Variants in MYO3A observed in about 807,000 individuals in gnomAD.
MYO3A encodes myosin-IIIa.
Under a neutral mutation model 192.7 loss-of-function variants are expected in MYO3A, and 180 were observed. The ratio of observed to expected loss-of-function variants is 0.93; its 90% CI spans 0.83 to 1.06. The LOEUF (loss-of-function observed/expected upper bound fraction) is 1.06. Ranked by LOEUF, MYO3A falls within the 50% of genes least tolerant of loss-of-function variation. MYO3A has a pLI of 0.00. For missense variants in MYO3A, 1,896 were observed against 1,905.0 expected, an observed-to-expected ratio of 1.00 and a Z score of 0.09; for synonymous variants, 628 against 645.3, an observed-to-expected ratio of 0.97 and a Z score of 0.41.
At chr10:26,057,960 C>T (rs936675901) in intron 10 of MYO3A, among the ~76,000 whole-genome samples, 1 of 152,106 alleles carries the variant, frequency 6.6e-6, no homozygotes, top group Non-Finnish European at 1.5e-5. Flanking sequence ...TACTTTTTTA[C>T]AATTAGTGAA....
chr10:26,009,847 C>T (rs1234350276), intron 6 of MYO3A, among the ~76,000 whole-genome samples: 1 of 152,072 alleles, frequency 6.6e-6, no homozygotes, highest in East Asian at 1.9e-4. Context: ...CTCTGAAGAA[C>T]TTTAAGTTAA....
chr10:26,194,808 C>T (rs1481726702), intron 32 of MYO3A, among the ~76,000 whole-genome samples: 2 of 152,204 alleles, frequency 1.3e-5, no homozygotes, highest in Non-Finnish European at 2.9e-5. Context: ...TTAGATCTCT[C>T]TGTAGCTCCA....
chr10:26,046,259 T>G (rs1047766715), intron 10 of MYO3A, among the ~76,000 whole-genome samples: 5 of 152,114 alleles, frequency 3.3e-5, no homozygotes, highest in Non-Finnish European at 5.9e-5. Flanking sequence ...TATCTCCAGG[T>G]AGATAGTGAC....
At chr10:25,969,944 G>A (rs1390958190) in intron 4 of MYO3A, among the ~76,000 whole-genome samples, 1 of 152,034 alleles carries the variant, frequency 6.6e-6, no homozygotes, top group Non-Finnish European at 1.5e-5. Flanking sequence ...TTCCAGACAA[G>A]CAGTATAATC....
Position 26,168,675 on chromosome 10 carries a change from G to C in MYO3A, c.3112-37G>C, listed in dbSNP as rs764565679. The C allele has an allele frequency of 5.7e-6, 9 of 1,589,464 alleles. No individual in the cohort carries two copies. In the South Asian group the frequency reaches 8.8e-5, roughly 16 times the overall value. On this transcript the variant is annotated intron_variant, in intron 27 of 34. Transcript: ENST00000642920. ...CAGCACATAACTGCTTCACATCTGTGTGCCATGGTTCTTTGTATTATATTT... is the reference window on the plus strand; with the variant it reads ...CAGCACATAACTGCTTCACATCTGTCTGCCATGGTTCTTTGTATTATATTT...
intron 17 of MYO3A, among the ~76,000 whole-genome samples, chr10:26,109,415 A>G (rs1207150979): frequency 6.6e-6 from 1 of 152,214 alleles, no homozygotes; most frequent in East Asian, 1.9e-4. Flanking sequence ...GAGTAGCATG[A>G]TGAAATCCCA....
intron 6 of MYO3A, among the ~76,000 whole-genome samples, chr10:26,012,116 G>T (rs1047932667): frequency 6.6e-6 from 1 of 151,916 alleles, no homozygotes; most frequent in African/African-American, 2.4e-5. Flanking sequence ...AATAAAAACC[G>T]TCTATGACAA....
At chr10:25,993,545 C>G (rs1840199055) in intron 4 of MYO3A, among the ~76,000 whole-genome samples, 1 of 151,948 alleles carries the variant, frequency 6.6e-6, no homozygotes, top group Non-Finnish European at 1.5e-5. Flanking sequence ...TATTTCTTGC[C>G]TTCTGCTAGC....
intron 14 of MYO3A, among the ~76,000 whole-genome samples, chr10:26,086,980 A>T (rs544159247): frequency 2.1e-3 from 244 of 114,706 alleles, no homozygotes; most frequent in Non-Finnish European, 3.8e-3. Flanking sequence ...TTAATTGGGG[A>T]TAGGTATATA....
rs142937288 is a variant in MYO3A, at chr10:26,107,064, G to A, written c.1776+10382G>A. 1.1e-4 allele frequency among the ~76,000 whole-genome samples: 17 copies of A among 151,780 alleles called. No individual in the cohort carries two copies. The East Asian group carries it at 2.9e-3, about 26-fold the overall frequency. ...AAGAAGCACCTTGACACACATACAT[G>A]AGTCTTAACCAGACCTACCGTATAG... On this transcript the variant is annotated intron_variant, in intron 17 of 34. Coordinates refer to ENST00000642920, the MANE Select transcript of MYO3A (RefSeq NM_017433.5).
intron 10 of MYO3A, among the ~76,000 whole-genome samples, chr10:26,026,917 G>A (rs1222785719): frequency 6.6e-6 from 1 of 152,140 alleles, no homozygotes; most frequent in Non-Finnish European, 1.5e-5. Context: ...AGCCAGGATG[G>A]TCTCGATCTC....
chr10:26,149,243 TG>T (rs1339686676), intron 23 of MYO3A, among the ~76,000 whole-genome samples: 1 of 152,032 alleles, frequency 6.6e-6, no homozygotes, highest in Non-Finnish European at 1.5e-5. Context: ...TTGTTTTTCA[TG>T]TTTTTTTTGA....
chr10:26,017,431 C>T (rs1030457485), intron 7 of MYO3A, among the ~76,000 whole-genome samples: 2 of 152,082 alleles, frequency 1.3e-5, no homozygotes, highest in African/African-American at 4.8e-5. Flanking sequence ...TCTTCTCCCC[C>T]CATCACTATT....
At chr10:25,999,092 G>T (rs1431488342) in intron 6 of MYO3A, among the ~76,000 whole-genome samples, 1 of 151,948 alleles carries the variant, frequency 6.6e-6, no homozygotes, top group African/African-American at 2.4e-5. Context: ...TAGAGACGGG[G>T]TTTCACCATA....
Position 26,088,298 on chromosome 10 carries a change from C to A in MYO3A, c.1455C>A (p.Ser485Arg), listed in dbSNP as rs763188102. The A allele has an allele frequency of 5.0e-6, 8 of 1,613,570 alleles. No individual in the cohort carries two copies. Among genetic ancestry groups the A allele is most frequent in the African/African-American group, 1.3e-5 (1 of 75,014 alleles). The change falls in exon 15 of 35, where the codon AGC (serine) becomes AGA (arginine). Residue 485 changes from serine (S) to arginine (R), a missense_variant. By Grantham distance (110) the Ser-to-Arg change is moderately radical. Coordinates refer to ENST00000642920, the MANE Select transcript of MYO3A (RefSeq NM_017433.5). The stretch of plus-strand genomic sequence containing the variant: ...GCACTATTATAAATGACAATTCTAG[C>A]AGATTTGGAAAATACTTAGAAATGA... ...NACTIINDNS[S>R]RFGKYLEMKF...
At chr10:25,975,073 G>A (rs1838889720) in intron 4 of MYO3A, among the ~76,000 whole-genome samples, 1 of 152,198 alleles carries the variant, frequency 6.6e-6, no homozygotes, top group Admixed American at 6.5e-5. Context: ...TATGCTGAAT[G>A]AGTTGGCTAA....
At position 26,120,602 on chromosome 10, in the gene MYO3A, T is replaced by C. The variant is rs888733353; in HGVS notation, c.1777-74T>C. 6.2e-6 allele frequency: 10 copies of C among 1,603,074 alleles called. No individual in the cohort carries two copies. The Admixed American group carries it at 1.5e-4, about 24-fold the overall frequency. ...AGGGCCTGAGGGTTCTCTTCCAGTC[T>C]GTCCCCAGCCATAGTCACTGGTTGG... is the stretch of plus-strand genomic sequence containing the variant. On this transcript the variant is annotated intron_variant, in intron 17 of 34. Transcript: ENST00000642920.
intron 26 of MYO3A, among the ~76,000 whole-genome samples, chr10:26,160,938 A>G (rs1206279884): frequency 6.6e-6 from 1 of 152,154 alleles, no homozygotes; most frequent in Non-Finnish European, 1.5e-5. Flanking sequence ...TGAGAATAAA[A>G]CCTATTTTCT....
At chr10:26,009,093 T>A (rs1171565652) in intron 6 of MYO3A, among the ~76,000 whole-genome samples, 2 of 151,806 alleles carry the variant, frequency 1.3e-5, no homozygotes, top group Admixed American at 1.3e-4. Context: ...TGGATGAAAT[T>A]GGAAATCATC....
Sources: allele counts gnomAD v4.1 joint callset (sites outside exome capture counted in the v4.1 genomes callset), GRCh38; gene constraint gnomAD v4.1.1; transcripts MANE v1.5; gene names NCBI Gene and HGNC (gene_info 2026-07-23, HGNC 2026-07-21).